Variants in CDH5 observed in about 807,000 individuals in gnomAD.
The protein encoded by CDH5 is cadherin-5.
CDH5 carries 28 observed loss-of-function variants against 62.0 expected under a neutral mutation model. The observed-to-expected ratio is 0.45, with a 90% CI of 0.33 to 0.62. The LOEUF (loss-of-function observed/expected upper bound fraction) is 0.62, where lower values mean the gene tolerates loss of function less well. Ranked by LOEUF, CDH5 falls within the 20% of genes least tolerant of loss-of-function variation. The probability of loss-of-function intolerance (pLI) is 0.02; values close to 1 mark genes in which losing one functional copy is unlikely to be tolerated. For synonymous variants in CDH5, 464 were observed against 445.8 expected (o/e 1.04, Z -0.52); for missense variants, 940 against 1,065.1 (o/e 0.88, Z 1.63).
In CDH5 at chr16:66,379,378, G is replaced by T; in HGVS notation, c.41G>T (p.Cys14Phe). 2 of 1,613,834 alleles carry T rather than the reference G, an allele frequency of 1.2e-6. No individual in the cohort carries two copies. The highest frequency in any genetic ancestry group is 1.7e-6 in the Non-Finnish European group (2 of 1,179,882). ...LMMLLATSGA[C>F]LGLLAVAAVA... ...ATGCTCCTCGCCACATCGGGCGCCT[G>T]CCTGGGCCTGCTGGCAGTGGCAGCA... The change falls in exon 2 of 12, where the codon TGC becomes TTC. Residue 14 changes from cysteine to phenylalanine, a missense_variant. Cys to Phe is a radical substitution (Grantham distance 205, BLOSUM62 -2). Coordinates refer to ENST00000341529, the MANE Select transcript of CDH5 (RefSeq NM_001795.5).
At chr16:66,391,746 C>G (rs1010452872) in intron 6 of CDH5, among the ~76,000 whole-genome samples, 3 of 152,222 alleles carry the variant, frequency 2.0e-5, no homozygotes, top group Non-Finnish European at 4.4e-5. Context: ...GCACTCCAAT[C>G]TGGGTACCAA....
Position 66,396,117 on chromosome 16 carries a change from G to A in CDH5, c.1276G>A (p.Asp426Asn), listed in dbSNP as rs1285019475. 7 of 1,613,974 alleles carry A rather than the reference G, an allele frequency of 4.3e-6. No individual in the cohort carries two copies. Among genetic ancestry groups the A allele is most frequent in the Non-Finnish European group, 3.4e-6 (4 of 1,179,964 alleles). ...GTTCTTCCGAGTCACAAAAAAGGGG[G>A]ACATTTACAATGAGAAAGAACTGGA... ...GQFFRVTKKG[D>N]IYNEKELDRE... is the part of the protein sequence containing the mutation. The change falls in exon 8 of 12, where the codon GAC (aspartate) becomes AAC (asparagine). Residue 426 changes from aspartate (D) to asparagine (N), a missense_variant. By Grantham distance (23) the Asp-to-Asn change is conservative. Transcript: ENST00000341529.
At chr16:66,378,502 T>G (rs1476399206) in intron 1 of CDH5, among the ~76,000 whole-genome samples, 3 of 152,210 alleles carry the variant, frequency 2.0e-5, no homozygotes, top group Admixed American at 2.0e-4. Context: ...AATAAATGCT[T>G]GATAAAGATT....
intron 1 of CDH5, among the ~76,000 whole-genome samples, chr16:66,369,686 G>A (rs554167173): frequency 6.6e-6 from 1 of 152,314 alleles, no homozygotes; most frequent in African/African-American, 2.4e-5. Context: ...TAGAAGGCAA[G>A]GGGATAGACT....
Position 66,379,385 on chromosome 16 carries a change from C to T in CDH5, c.48C>T (p.Gly16=). ...TCGCCACATCGGGCGCCTGCCTGGG[C>T]CTGCTGGCAGTGGCAGCAGTGGCAG... ...MLLATSGACL[G]LLAVAAVAAA... The change falls in exon 2 of 12, where the codon GGC becomes GGT. Residue 16 remains glycine, a synonymous_variant. Coordinates refer to ENST00000341529, the MANE Select transcript of CDH5 (RefSeq NM_001795.5). 6.2e-7 allele frequency: 1 copy of T among 1,614,032 alleles called. No individual in the cohort carries two copies. Among genetic ancestry groups the T allele is most frequent in the Non-Finnish European group, 8.5e-7 (1 of 1,179,980 alleles).
At chr16:66,375,217 C>G (rs1010048782) in intron 1 of CDH5, among the ~76,000 whole-genome samples, 5 of 152,124 alleles carry the variant, frequency 3.3e-5, no homozygotes, top group Non-Finnish European at 4.4e-5. Flanking sequence ...CTAAACATAT[C>G]TAAATACAGA....
chr16:66,388,501 C>T, intron 4 of CDH5, 61 bp downstream of exon 4: 2 of 1,110,220 alleles, frequency 1.8e-6, no homozygotes, highest in Non-Finnish European at 2.8e-6. Flanking sequence ...GAGGTGGATA[C>T]TCCAGGTGCA....
intron 7 of CDH5, among the ~76,000 whole-genome samples, chr16:66,393,264 C>T (rs1236397444): frequency 2.0e-5 from 3 of 152,304 alleles, no homozygotes; most frequent in East Asian, 3.9e-4. Flanking sequence ...ATTCTCTGTC[C>T]TATCCATCAT....
chr16:66,374,666 G>T (rs1279641399), intron 1 of CDH5, among the ~76,000 whole-genome samples: 1 of 151,152 alleles, frequency 6.6e-6, no homozygotes, highest in East Asian at 1.9e-4. Context: ...CTTTGCTGAA[G>T]TCTGGTGTAG....
In CDH5 at chr16:66,403,069, A is replaced by T. The variant is rs765100086; in HGVS notation, c.2255A>T (p.Asp752Val). The T allele has an allele frequency of 1.9e-6, 3 of 1,613,312 alleles. No homozygotes were observed. The African/African-American group carries it at 4.0e-5, about 22-fold the overall frequency. ...AGCTCCCTGGGCACCGACTCATCCG[A>T]CTCTGACGTGGATTACGACTTCCTT... The part of the protein sequence containing the change: ...SLSSLGTDSS[D>V]SDVDYDFLND... Residue 752 changes from aspartate to valine, a missense_variant, in exon 12 of 12, where the codon GAC becomes GTC. Asp to Val is a radical substitution (Grantham distance 152). Transcript: ENST00000341529. The surrounding 1 kb of genome is among the most constrained non-coding windows in gnomAD (Gnocchi z 4.3).
At chr16:66,395,503 C>CTTTTTTTTTTTTTTTTTTTTTTT (rs56675642) in intron 7 of CDH5, 500 of 80,824 alleles carry the variant, frequency 6.2e-3, no homozygotes, top group Middle Eastern at 0.013. Context: ...CTTTTCTTTT[C>CTTTTTTTTTTTTTTTTTTTTTTT]TTTTTTTTTT....
intron 1 of CDH5, among the ~76,000 whole-genome samples, chr16:66,379,036 G>A (rs1960835041): frequency 6.6e-6 from 1 of 152,350 alleles, no homozygotes; most frequent in South Asian, 2.1e-4. Flanking sequence ...TAAGCAGAAG[G>A]CAGCTGTTCT....
intron 3 of CDH5, 81 bp downstream of exon 3, chr16:66,387,178 C>T (rs1437086311): frequency 7.3e-7 from 1 of 1,364,598 alleles, no homozygotes; most frequent in Non-Finnish European, 1.0e-6. Context: ...ACTTCACTGC[C>T]TGGGGTAGGA....
chr16:66,392,365 C>G lies in CDH5; in HGVS notation c.1199C>G (p.Ala400Gly). 2 of 1,614,132 alleles carry G rather than the reference C, an allele frequency of 1.2e-6. No homozygotes were observed. The highest frequency in any genetic ancestry group is 1.7e-6 in the Non-Finnish European group (2 of 1,180,024). Reference protein sequence around the residue: ...IGTVLAMDPDAARHSIGYSIR... With the variant: ...IGTVLAMDPDGARHSIGYSIR... ...ACAGTGCTGGCCATGGACCCTGATG[C>G]GGCTAGGCATAGCATTGGGTAAGGG... Residue 400 changes from alanine to glycine, a missense_variant, in exon 7 of 12, where the codon GCG (alanine) becomes GGG (glycine). Physicochemically the swap from Ala to Gly is moderately conservative, Grantham distance 60. Transcript: ENST00000341529.
Position 66,402,753 on chromosome 16 carries a change from G to A in CDH5, c.1939G>A (p.Glu647Lys), listed in dbSNP as rs1162755551. The change falls in exon 12 of 12, where the codon GAG becomes AAG. Residue 647 changes from glutamate (E) to lysine (K), a missense_variant. Physicochemically the swap from Glu to Lys is moderately conservative, Grantham distance 56. Coordinates refer to ENST00000341529, the MANE Select transcript of CDH5 (RefSeq NM_001795.5). Reference sequence around the variant, plus strand: ...CCACGAGCAGCTGGTCACCTACGACGAGGAGGGCGGCGGCGAGATGGACAC... The same window carrying A: ...CCACGAGCAGCTGGTCACCTACGACAAGGAGGGCGGCGGCGAGATGGACAC... Reference protein sequence around the residue: ...EIHEQLVTYDEEGGGEMDTTS... With the variant: ...EIHEQLVTYDKEGGGEMDTTS... The A allele has an allele frequency of 1.9e-6, 3 of 1,609,186 alleles. No individual in the cohort carries two copies. Among genetic ancestry groups the A allele is most frequent in the Non-Finnish European group, 2.5e-6 (3 of 1,178,642 alleles).
rs1961094564 is a variant in CDH5, at chr16:66,392,082, CCA to C, written c.970-47_970-46del. 8.8e-5 allele frequency: 141 copies of C among 1,605,374 alleles called. No individual in the cohort carries two copies. The South Asian group carries it at 1.5e-3, about 17-fold the overall frequency. ...GCATAGTTGCTGTGCAGATCATGTG[CCA>C]CACACATGCTTGGCCCAGAGCAGGC... On this transcript the variant is annotated intron_variant, in intron 6 of 11. Coordinates refer to ENST00000341529, the MANE Select transcript of CDH5 (RefSeq NM_001795.5).
chr16:66,375,835 C>T (rs1489586336), intron 1 of CDH5, among the ~76,000 whole-genome samples: 2 of 151,084 alleles, frequency 1.3e-5, no homozygotes, highest in African/African-American at 2.4e-5. Context: ...CCACCGGCTA[C>T]GGTGGCTCAC....
intron 1 of CDH5, among the ~76,000 whole-genome samples, chr16:66,378,221 A>G (rs13330048): frequency 0.48 from 73,567 of 152,048 alleles, 19,451 homozygotes; most frequent in African/African-American, 0.69. Flanking sequence ...TCAGGCAGGA[A>G]GATGTTTGCC....
At position 66,402,732 on chromosome 16, in the gene CDH5, G is replaced by A. The variant is rs777441392; in HGVS notation, c.1918G>A (p.Glu640Lys). Residue 640 changes from glutamate to lysine, a missense_variant, in exon 12 of 12, where the codon GAG becomes AAG. Coordinates refer to ENST00000341529, the MANE Select transcript of CDH5 (RefSeq NM_001795.5). Reference sequence around the variant, plus strand: ...CGGCAAGAGCGTGCCGGAGATCCACGAGCAGCTGGTCACCTACGACGAGGA... The same window carrying A: ...CGGCAAGAGCGTGCCGGAGATCCACAAGCAGCTGGTCACCTACGACGAGGA... Reference protein sequence around the residue: ...AHGKSVPEIHEQLVTYDEEGG... With the variant: ...AHGKSVPEIHKQLVTYDEEGG... 6.2e-6 allele frequency: 10 copies of A among 1,609,726 alleles called. No homozygotes were observed. In the East Asian group the frequency reaches 1.1e-4, roughly 18 times the overall value.
Sources: gnomAD v4.1 joint callset for allele counts (sites outside exome capture counted in the v4.1 genomes callset) on GRCh38, gnomAD v4.1.1 for gene constraint, Gnocchi (gnomAD v3.1) non-coding constraint, MANE v1.5 for transcripts, NCBI Gene and HGNC (gene_info 2026-07-23, HGNC 2026-07-21) for gene names.